Variants in PLPPR1 observed in about 807,000 individuals in gnomAD.
PLPPR1 encodes the protein phospholipid phosphatase related 1.
In PLPPR1, 10 loss-of-function variants were observed where a neutral mutation model predicts 33.1. The ratio of observed to expected loss-of-function variants is 0.30; its 90% confidence interval spans 0.19 to 0.51. PLPPR1 has a LOEUF of 0.51. Among genes scored for constraint, PLPPR1 ranks in the 20% least tolerant of loss-of-function variants. The pLI is 0.97. For synonymous variants in PLPPR1, 151 were observed against 151.0 expected (o/e 1.00, Z 0.00); for missense variants, 304 against 408.1 (o/e 0.74, Z 2.20).
intron 3 of PLPPR1, among the ~76,000 whole-genome samples, chr9:101,273,249 T>C (rs867478569): frequency 3.3e-5 from 5 of 152,206 alleles, no homozygotes; most frequent in Admixed American, 6.5e-5. Context: ...TGAGCCCTTA[T>C]TGGTGAATTG....
chr9:101,257,060 C>T (rs1415701569), intron 2 of PLPPR1, among the ~76,000 whole-genome samples: 2 of 152,042 alleles, frequency 1.3e-5, no homozygotes, highest in Non-Finnish European at 2.9e-5. Context: ...GGGGGAAGCT[C>T]TGTGTTCAAA....
chr9:101,241,176 A>G (rs1321896821), intron 2 of PLPPR1, among the ~76,000 whole-genome samples: 1 of 152,120 alleles, frequency 6.6e-6, no homozygotes, highest in Non-Finnish European at 1.5e-5. Flanking sequence ...TGGGGAATAT[A>G]CATGTGAAGA....
At chr9:101,089,534 T>C (rs10819894) in intron 1 of PLPPR1, among the ~76,000 whole-genome samples, 2,380 of 152,286 alleles carry the variant, frequency 0.016, 52 homozygotes, top group East Asian at 0.082. Flanking sequence ...AAGTACAAAG[T>C]TGGAATAATA....
chr9:101,323,597 T>C (rs56372315), intron 7 of PLPPR1, among the ~76,000 whole-genome samples: 5,408 of 152,122 alleles, frequency 0.036, 136 homozygotes, highest in Non-Finnish European at 0.053. Flanking sequence ...CCCAGCACTT[T>C]GGGAGGCTGG....
chr9:101,134,081 T>A (rs907181601), intron 1 of PLPPR1, among the ~76,000 whole-genome samples: 1 of 152,198 alleles, frequency 6.6e-6, no homozygotes, highest in African/African-American at 2.4e-5. Flanking sequence ...AATCACAGAT[T>A]GTTAGCCTAA....
rs115773019 is a variant in PLPPR1 at position 101,314,113 on chromosome 9, T to C, written c.813+1139T>C. Among the ~76,000 whole-genome samples, 1,465 of 152,300 alleles carry C rather than the reference T, an allele frequency of 9.6e-3. 27 individuals carry two copies. The highest frequency in any genetic ancestry group is 0.034 in the African/African-American group (1,416 of 41,562). Reference sequence around the variant, plus strand: ...ATGAATCATCAGGCCTGGAGACTTATACTGTGCATGAAATGAATCCCCTAA... The same window carrying C: ...ATGAATCATCAGGCCTGGAGACTTACACTGTGCATGAAATGAATCCCCTAA... On this transcript the variant is annotated intron_variant, in intron 6 of 7. Coordinates refer to ENST00000374874, the MANE Select transcript of PLPPR1 (RefSeq NM_207299.2).
Position 101,189,124 on chromosome 9 carries a change from T to C in PLPPR1, c.63+3567T>C, listed in dbSNP as rs554259828. 2.6e-5 allele frequency among the ~76,000 whole-genome samples: 4 copies of C among 152,192 alleles called. No homozygotes were observed. The South Asian group carries it at 8.3e-4, about 32-fold the overall frequency. On this transcript the variant is annotated intron_variant, in intron 2 of 7. Coordinates refer to ENST00000374874, the MANE Select transcript of PLPPR1 (RefSeq NM_207299.2). ...TGCAGGAGACCCTCAGAACATGTGC[T>C]CAAAGTGGTCAGGGTGAAGCTTGGT...
intron 1 of PLPPR1, among the ~76,000 whole-genome samples, chr9:101,176,545 C>A (rs1826022177): frequency 1.3e-5 from 2 of 152,118 alleles, no homozygotes; most frequent in African/African-American, 2.4e-5. Context: ...CACCTAGGGG[C>A]AGTAATGAGG....
intron 4 of PLPPR1, among the ~76,000 whole-genome samples, chr9:101,298,641 A>G (rs1411898341): frequency 2.0e-5 from 3 of 152,144 alleles, no homozygotes; most frequent in Non-Finnish European, 4.4e-5. Flanking sequence ...GGGGCCGGTC[A>G]TGTTCATTCA....
chr9:101,197,417 CCTA>C (rs1826417548), intron 2 of PLPPR1, among the ~76,000 whole-genome samples: 1 of 152,128 alleles, frequency 6.6e-6, no homozygotes, highest in Admixed American at 6.6e-5. Flanking sequence ...CCATGTCTTT[CCTA>C]CTATCATTTT....
chr9:101,055,503 ACT>A (rs1830269403), intron 1 of PLPPR1, among the ~76,000 whole-genome samples: 1 of 152,208 alleles, frequency 6.6e-6, no homozygotes, highest in African/African-American at 2.4e-5. Flanking sequence ...TGGATTAGAC[ACT>A]CTCATTTCAA....
intron 2 of PLPPR1, among the ~76,000 whole-genome samples, chr9:101,241,217 A>T (rs966443590): frequency 1.3e-5 from 2 of 152,068 alleles, no homozygotes; most frequent in Non-Finnish European, 2.9e-5. Context: ...AAGTGGAGAC[A>T]TTGCTCATGA....
intron 2 of PLPPR1, among the ~76,000 whole-genome samples, chr9:101,239,401 G>A (rs1365407512): frequency 2.6e-5 from 4 of 151,876 alleles, no homozygotes; most frequent in African/African-American, 7.3e-5. Flanking sequence ...TAGAAAGACT[G>A]TTGGGTACTC....
intron 2 of PLPPR1, among the ~76,000 whole-genome samples, chr9:101,237,497 T>G (rs1210153262): frequency 2.0e-5 from 3 of 150,762 alleles, no homozygotes; most frequent in African/African-American, 7.3e-5. Context: ...TAAGGACACA[T>G]TAAACACAGA....
At chr9:101,087,329 C>A (rs1032793112) in intron 1 of PLPPR1, among the ~76,000 whole-genome samples, 31 of 152,094 alleles carry the variant, frequency 2.0e-4, no homozygotes, top group African/African-American at 7.5e-4. Context: ...TGAATATGTA[C>A]TTTAATGTCC....
intron 1 of PLPPR1, among the ~76,000 whole-genome samples, chr9:101,156,081 A>T (rs1831682379): frequency 6.6e-6 from 1 of 152,218 alleles, no homozygotes; most frequent in Non-Finnish European, 1.5e-5. Context: ...AGAGATACTG[A>T]CCTTGTCCTC....
At chr9:101,289,037 C>T (rs1248918959) in intron 4 of PLPPR1, among the ~76,000 whole-genome samples, 1 of 152,182 alleles carries the variant, frequency 6.6e-6, no homozygotes, top group Non-Finnish European at 1.5e-5. Flanking sequence ...TCACATGTCT[C>T]CAGCCTCATC....
chr9:101,249,637 G>T (rs79025031), intron 2 of PLPPR1, among the ~76,000 whole-genome samples: 2,744 of 152,118 alleles, frequency 0.018, 34 homozygotes, highest in Middle Eastern at 0.082. Flanking sequence ...GTGTGGAAAA[G>T]TGCTTAGATC....
chr9:101,292,004 G>C (rs1027702096), intron 4 of PLPPR1, among the ~76,000 whole-genome samples: 1 of 152,028 alleles, frequency 6.6e-6, no homozygotes, highest in African/African-American at 2.4e-5. Flanking sequence ...AGCTACAGGA[G>C]GAAATTCAAA....
Sources: allele counts gnomAD v4.1 joint callset (sites outside exome capture counted in the v4.1 genomes callset), GRCh38; gene constraint gnomAD v4.1.1; transcripts MANE v1.5; gene names NCBI Gene and HGNC (gene_info 2026-07-23, HGNC 2026-07-21).